Variants in ESYT3 observed in about 807,000 individuals in gnomAD.
ESYT3 encodes extended synaptotagmin 3.
Under a neutral mutation model 111.5 loss-of-function variants are expected in ESYT3, and 101 were observed. That is an observed-to-expected ratio of 0.91 (90% confidence interval 0.77 to 1.07). ESYT3 has a LOEUF of 1.07. Among genes scored for constraint, ESYT3 ranks in the 50% least tolerant of loss-of-function variants. The probability of loss-of-function intolerance (pLI) is 0.00; values close to 1 mark genes in which losing one functional copy is unlikely to be tolerated. For missense variants in ESYT3, 1,097 were observed against 1,109.4 expected (o/e 0.99, Z 0.16); for synonymous variants, 416 against 446.8 (o/e 0.93, Z 0.87).
In ESYT3 at chr3:138,453,212, G is replaced by A. The variant is rs60690016; in HGVS notation, c.369+1123G>A. 5.8e-4 allele frequency among the ~76,000 whole-genome samples: 89 copies of A among 152,298 alleles called. 1 individual carries two copies. In the East Asian group the frequency reaches 0.016, roughly 27 times the overall value. ...CCTTGTAGAGTTCCTCCTGCACTGTGTTAGCTGGTTCATGCACCTCTGCCT... is the reference window on the plus strand; with the variant it reads ...CCTTGTAGAGTTCCTCCTGCACTGTATTAGCTGGTTCATGCACCTCTGCCT... On this transcript the variant is annotated intron_variant, in intron 2 of 22. Transcript: ENST00000389567.
intron 7 of ESYT3, among the ~76,000 whole-genome samples, chr3:138,461,162 C>T (rs2032614904): frequency 6.6e-6 from 1 of 152,202 alleles, no homozygotes; most frequent in Non-Finnish European, 1.5e-5. Context: ...GGACACTCAG[C>T]TGTGTGGTGG....
intron 1 of ESYT3, among the ~76,000 whole-genome samples, chr3:138,439,898 T>G (rs1461015948): frequency 6.6e-6 from 1 of 152,134 alleles, no homozygotes. Context: ...GTTGGCAGCT[T>G]TGTGAGGGGC....
intron 1 of ESYT3, among the ~76,000 whole-genome samples, chr3:138,436,665 C>T (rs1332859830): frequency 6.6e-6 from 1 of 152,168 alleles, no homozygotes; most frequent in East Asian, 1.9e-4. Context: ...CTTTGGTCAT[C>T]CTGATGGTTC....
Position 138,455,181 on chromosome 3 carries a change from C to G in ESYT3, c.370-13C>G, listed in dbSNP as rs753438792. On this transcript the variant is annotated splice_polypyrimidine_tract_variant and intron_variant, in intron 2 of 22. Transcript: ENST00000389567. Reference sequence around the variant, plus strand: ...CAGACCTGACTACCAAGAGCCTCTTCCCGTCTTCACAGATCATCTCTCAGA... The same window carrying G: ...CAGACCTGACTACCAAGAGCCTCTTGCCGTCTTCACAGATCATCTCTCAGA... 2 of 1,614,026 alleles carry G rather than the reference C, an allele frequency of 1.2e-6. No homozygotes were observed. The highest frequency in any genetic ancestry group is 2.2e-5 in the East Asian group (1 of 44,886).
downstream of ESYT3, chr3:138,480,001 GAT>G (rs906355831): frequency 1.4e-4 from 21 of 152,238 alleles, no homozygotes; most frequent in African/African-American, 4.1e-4. Flanking sequence ...AAAATTGCAA[GAT>G]AACTATGAAA....
intron 8 of ESYT3, among the ~76,000 whole-genome samples, chr3:138,463,306 G>A (rs1246093882): frequency 6.6e-6 from 1 of 152,144 alleles, no homozygotes; most frequent in Non-Finnish European, 1.5e-5. Context: ...TGTTGGCGAG[G>A]CTGGTCTCGA....
Position 138,434,747 on chromosome 3 carries a change from C to A in ESYT3, c.-52C>A. 7.0e-7 allele frequency: 1 copy of A among 1,425,168 alleles called. No individual in the cohort carries two copies. Among genetic ancestry groups the A allele is most frequent in the Non-Finnish European group, 9.3e-7 (1 of 1,079,156 alleles). 88.3% of individuals were successfully genotyped at this position (1,425,168 alleles called of 1,614,324 possible). Reference sequence around the variant, plus strand: ...AGATGCGCATGGGCGTGGGGGCATGCGGACCTAAGCTCGGGTGAAGCTCTC... The same window carrying A: ...AGATGCGCATGGGCGTGGGGGCATGAGGACCTAAGCTCGGGTGAAGCTCTC... On this transcript the variant is annotated 5_prime_UTR_variant, in exon 1 of 23. It introduces an in-frame stop codon into an upstream open reading frame of the 5' UTR. Transcript: ENST00000389567.
At position 138,457,637 on chromosome 3, in the gene ESYT3, C is replaced by G; in HGVS notation, c.574C>G (p.Gln192Glu). Residue 192 changes from glutamine (Q) to glutamate (E), a missense_variant, in exon 4 of 23, where the codon CAG becomes GAG. Physicochemically the swap from Gln to Glu is conservative, Grantham distance 29 (BLOSUM62 2). Coordinates refer to ENST00000389567, the MANE Select transcript of ESYT3 (RefSeq NM_031913.5). Reference protein sequence around the residue: ...CNRRRVTVDLQICYIGDCEIS... With the variant: ...CNRRRVTVDLEICYIGDCEIS... ...CCGAAGACGTGTGACTGTGGACCTG[C>G]AGATCTGGTGAGCTCTATCGGGCTG... is the stretch of plus-strand genomic sequence containing the variant. 1 of 1,614,160 alleles carries G rather than the reference C, an allele frequency of 6.2e-7. No homozygotes were observed.
At position 138,434,940 on chromosome 3, in the gene ESYT3, C is replaced by T; in HGVS notation, c.142C>T (p.Pro48Ser). The T allele has an allele frequency of 6.4e-7, 1 of 1,552,644 alleles. No homozygotes were observed. Among genetic ancestry groups the T allele is most frequent in the South Asian group, 1.2e-5 (1 of 84,118 alleles). The change falls in exon 1 of 23, where the codon CCT becomes TCT. Residue 48 changes from proline to serine, a missense_variant. Pro to Ser is a moderately conservative substitution (Grantham distance 74). Coordinates refer to ENST00000389567, the MANE Select transcript of ESYT3 (RefSeq NM_031913.5). ...FVVRVLFYLG[P>S]VYLAGYLGLS... ...GGTGCGCGTGCTGTTCTACCTGGGG[C>T]CTGTCTACCTAGCTGGCTACCTGGG...
chr3:138,460,841 G>A (rs2032592208), intron 7 of ESYT3, among the ~76,000 whole-genome samples, 175 bp downstream of exon 7: 1 of 152,182 alleles, frequency 6.6e-6, no homozygotes, highest in African/African-American at 2.4e-5. Flanking sequence ...GCCTCTGTGG[G>A]TGGGCACTGT....
intron 1 of ESYT3, among the ~76,000 whole-genome samples, chr3:138,438,509 G>A (rs1339880708): frequency 1.3e-5 from 2 of 152,160 alleles, no homozygotes; most frequent in African/African-American, 2.4e-5. Flanking sequence ...GAGCTGAGGC[G>A]GGGATGCCAT....
At position 138,474,228 on chromosome 3, in the gene ESYT3, A is replaced by G; in HGVS notation, c.2344A>G (p.Thr782Ala). The change falls in exon 20 of 23, where the codon ACA becomes GCA. Residue 782 changes from threonine to alanine, a missense_variant. Coordinates refer to ENST00000389567, the MANE Select transcript of ESYT3 (RefSeq NM_031913.5). ...TCTTTGACACCAAATCAGAAACCTA[A>G]CACCATGTACCAGCAGTGGAGCTGA... is the stretch of plus-strand genomic sequence containing the variant. The part of the protein sequence containing the change: ...SVLINGCRNL[T>A]PCTSSGADPY... 6.2e-7 allele frequency: 1 copy of G among 1,613,320 alleles called. No individual in the cohort carries two copies. The highest frequency in any genetic ancestry group is 8.5e-7 in the Non-Finnish European group (1 of 1,179,814).
rs1360329244 is a variant in ESYT3, at chr3:138,479,378, T to TAA, written c.*2525_*2526dup. The TAA allele has an allele frequency of 6.6e-6, 1 of 152,208 alleles. No homozygotes were observed. Among genetic ancestry groups the TAA allele is most frequent in the African/African-American group, 2.4e-5 (1 of 41,442 alleles). The allele number at this position is 152,208 out of a possible 1,614,324, so 9.4% of individuals were successfully genotyped here. A position where few individuals can be genotyped will look rare whatever the true frequency, so the allele number is the denominator to read the frequency against. On this transcript the variant is annotated 3_prime_UTR_variant, in exon 23 of 23. Coordinates refer to ENST00000389567, the MANE Select transcript of ESYT3 (RefSeq NM_031913.5). The stretch of plus-strand genomic sequence containing the variant: ...GGGGCAGCTAGGCTGATTAAGAAAG[T>TAA]AAGTATTCAAGACCATATCTTATTT...
Position 138,452,036 on chromosome 3 carries a change from C to T in ESYT3, c.328-12C>T. ...CTTCTAGTCTAACTTCCCCTCGGGG[C>T]TTCTTTCCTAGATCCACTTCCCGGA... is the stretch of plus-strand genomic sequence containing the variant. On this transcript the variant is annotated splice_polypyrimidine_tract_variant and intron_variant, in intron 1 of 22. Coordinates refer to ENST00000389567, the MANE Select transcript of ESYT3 (RefSeq NM_031913.5). 5 of 1,613,658 alleles carry T rather than the reference C, an allele frequency of 3.1e-6. No homozygotes were observed. The highest frequency in any genetic ancestry group is 1.7e-6 in the Non-Finnish European group (2 of 1,179,880).
In ESYT3 at chr3:138,478,061, T is replaced by TCAGTCAATCCATAGTGAAA. The variant is rs1397752609; in HGVS notation, c.*1208_*1226dup. On this transcript the variant is annotated 3_prime_UTR_variant, in exon 23 of 23. Coordinates refer to ENST00000389567, the MANE Select transcript of ESYT3 (RefSeq NM_031913.5). ...AAACCTATTTCCTCTATTAAGTAAG[T>TCAGTCAATCCATAGTGAAA]CAGTCAATCCATAGTGAAATGGACT... 6.6e-6 allele frequency: 1 copy of TCAGTCAATCCATAGTGAAA among 152,124 alleles called. No individual in the cohort carries two copies. The highest frequency in any genetic ancestry group is 2.4e-5 in the African/African-American group (1 of 41,382). 9.4% of individuals were successfully genotyped at this position (152,124 alleles called of 1,614,324 possible). A position where few individuals can be genotyped will look rare whatever the true frequency, so the allele number is the denominator to read the frequency against.
intron 1 of ESYT3, among the ~76,000 whole-genome samples, chr3:138,445,018 T>C (rs2031435228): frequency 6.6e-6 from 1 of 152,174 alleles, no homozygotes; most frequent in African/African-American, 2.4e-5. Context: ...CACCAGGAGC[T>C]TGTTAAAGAC....
chr3:138,459,276 G>T lies in ESYT3; in HGVS notation c.648+23G>T, dbSNP rs371677867. The stretch of plus-strand genomic sequence containing the variant: ...CAGGTGGGTGGAGCCCGGTGGGGCT[G>T]CCTCTGTTCCAGCCCCCAGGGTGGG... On this transcript the variant is annotated intron_variant, in intron 5 of 22. Transcript: ENST00000389567. 5 of 1,524,616 alleles carry T rather than the reference G, an allele frequency of 3.3e-6. No individual in the cohort carries two copies. In the Admixed American group the frequency reaches 9.4e-5, roughly 29 times the overall value. The allele number at this position is 1,524,616 out of a possible 1,614,324, so 94.4% of individuals were successfully genotyped here.
chr3:138,468,722 G>A lies in ESYT3; in HGVS notation c.1371+5G>A. On this transcript the variant is annotated splice_donor_5th_base_variant and intron_variant, in intron 13 of 22. Transcript: ENST00000389567. ...GAGAGTGCCTGCAACTTGCCGGTGA[G>A]TGGCGACATGTCCAGAGTGTCACAC... is the stretch of plus-strand genomic sequence containing the variant. 6.2e-7 allele frequency: 1 copy of A among 1,614,172 alleles called. No individual in the cohort carries two copies. The highest frequency in any genetic ancestry group is 8.5e-7 in the Non-Finnish European group (1 of 1,180,036).
chr3:138,459,522 A>C (rs1413987006), intron 5 of ESYT3, among the ~76,000 whole-genome samples: 2 of 152,118 alleles, frequency 1.3e-5, no homozygotes. Flanking sequence ...GCGAGGAGAG[A>C]GATGGTGTTC....
Sources: allele counts gnomAD v4.1 joint callset (sites outside exome capture counted in the v4.1 genomes callset), GRCh38; gene constraint gnomAD v4.1.1; transcripts MANE v1.5; gene names NCBI Gene and HGNC (gene_info 2026-07-23, HGNC 2026-07-21).